The following MYT1L variants were observed in gnomAD, a reference collection of about 807,000 sequenced individuals.
MYT1L encodes the protein myelin transcription factor 1-like protein.
In MYT1L, 12 loss-of-function variants were observed where a neutral mutation model predicts 126.7. The ratio of observed to expected loss-of-function variants is 0.09; its 90% CI spans 0.06 to 0.15. The LOEUF (loss-of-function observed/expected upper bound fraction) is 0.15. Ranked by LOEUF, MYT1L falls within the 10% of genes least tolerant of loss-of-function variation. The pLI is 1.00. For missense variants in MYT1L, 979 were observed against 1,585.2 expected, an observed-to-expected ratio of 0.62 and a Z score of 6.49; for synonymous variants, 541 against 604.2, an observed-to-expected ratio of 0.90 and a Z score of 1.53.
intron 18 of MYT1L, among the ~76,000 whole-genome samples, chr2:1,866,662 G>GGAGAGGGAGGGACAGAGAGAGGCA (rs2045562574): frequency 2.0e-5 from 1 of 48,814 alleles, no homozygotes; most frequent in African/African-American, 2.0e-4. Flanking sequence ...AGAGAGAGAG[G>GGAGAGGGAGGGACAGAGAGAGGCA]GAGAGGGAGG....
chr2:2,189,416 G>A (rs1212443955), intron 2 of MYT1L, among the ~76,000 whole-genome samples: 2 of 152,208 alleles, frequency 1.3e-5, no homozygotes, highest in African/African-American at 4.8e-5. Flanking sequence ...TATGCAATAT[G>A]TTAAGTGCAG....
intron 2 of MYT1L, among the ~76,000 whole-genome samples, chr2:2,186,735 A>G (rs2092238385): frequency 6.6e-6 from 1 of 152,254 alleles, no homozygotes; most frequent in Non-Finnish European, 1.5e-5. Flanking sequence ...AAAATCTATA[A>G]TTAACAGATT....
intron 3 of MYT1L, among the ~76,000 whole-genome samples, chr2:2,063,674 T>C (rs971830775): frequency 6.6e-6 from 1 of 152,134 alleles, no homozygotes; most frequent in Non-Finnish European, 1.5e-5. Flanking sequence ...TGAAACCCTG[T>C]CTCTACTAAA....
intron 4 of MYT1L, among the ~76,000 whole-genome samples, chr2:1,999,731 G>A (rs1258752102): frequency 6.6e-6 from 1 of 152,056 alleles, no homozygotes; most frequent in Non-Finnish European, 1.5e-5. Context: ...GTCTTTTTTA[G>A]TAAATTATTT....
chr2:1,990,808 G>A (rs943035737), intron 5 of MYT1L, among the ~76,000 whole-genome samples: 2 of 152,132 alleles, frequency 1.3e-5, no homozygotes, highest in Non-Finnish European at 2.9e-5. Context: ...AGCCCTCAGC[G>A]TCCATTGCCA....
At chr2:1,973,876 C>G (rs1194863985) in intron 8 of MYT1L, among the ~76,000 whole-genome samples, 2 of 152,218 alleles carry the variant, frequency 1.3e-5, no homozygotes, top group Non-Finnish European at 2.9e-5. Flanking sequence ...GCTCAAACCA[C>G]GCACTTTGGG....
intron 1 of MYT1L, among the ~76,000 whole-genome samples, chr2:2,318,925 T>C (rs1032379489): frequency 6.6e-5 from 10 of 152,214 alleles, no homozygotes; most frequent in African/African-American, 2.4e-4. Context: ...CTAACTTGTC[T>C]TTTACAGGGA....
intron 9 of MYT1L, among the ~76,000 whole-genome samples, chr2:1,934,388 A>G (rs2055541349): frequency 6.6e-6 from 1 of 151,450 alleles, no homozygotes; most frequent in African/African-American, 2.4e-5. Flanking sequence ...AGAGCAGCAC[A>G]CATGTGGGAC....
chr2:2,009,918 T>C (rs376191061), intron 4 of MYT1L, among the ~76,000 whole-genome samples: 7 of 148,488 alleles, frequency 4.7e-5, no homozygotes, highest in African/African-American at 5.0e-5. Flanking sequence ...TTTTTTTTTT[T>C]CATGAAAGGG....
chr2:1,973,105 C>T (rs1426805310), intron 8 of MYT1L, among the ~76,000 whole-genome samples: 2 of 152,174 alleles, frequency 1.3e-5, no homozygotes, highest in Non-Finnish European at 2.9e-5. Context: ...ACAAAACAGA[C>T]ATGTGAGGAA....
chr2:1,865,515 G>A (rs368433405), intron 18 of MYT1L, among the ~76,000 whole-genome samples: 3 of 152,142 alleles, frequency 2.0e-5, no homozygotes, highest in Non-Finnish European at 4.4e-5. Context: ...ATGCCCATCC[G>A]CATCGTTAGG....
intron 8 of MYT1L, among the ~76,000 whole-genome samples, chr2:1,970,424 G>A (rs2059722763): frequency 6.6e-6 from 1 of 152,152 alleles, no homozygotes; most frequent in African/African-American, 2.4e-5. Flanking sequence ...CATACTTTCA[G>A]CCCCAGCCCC....
chr2:2,018,211 G>A (rs1463103800), intron 4 of MYT1L, among the ~76,000 whole-genome samples: 1 of 152,120 alleles, frequency 6.6e-6, no homozygotes, highest in Non-Finnish European at 1.5e-5. Flanking sequence ...ATATTCTAGG[G>A]CAGACAGAAT....
chr2:2,302,469 G>A (rs527715932), intron 1 of MYT1L, among the ~76,000 whole-genome samples: 1 of 152,300 alleles, frequency 6.6e-6, no homozygotes, highest in Non-Finnish European at 1.5e-5. Context: ...TGGTGAGGAG[G>A]AGGGGTTGCT....
At chr2:2,196,633 T>C (rs947135596) in intron 2 of MYT1L, among the ~76,000 whole-genome samples, 3 of 151,754 alleles carry the variant, frequency 2.0e-5, no homozygotes, top group Non-Finnish European at 2.9e-5. Context: ...GTAGTTGGAG[T>C]TAAAGCATTG....
At chr2:2,170,038 C>T (rs1022440111) in intron 3 of MYT1L, among the ~76,000 whole-genome samples, 3 of 152,218 alleles carry the variant, frequency 2.0e-5, no homozygotes, top group Non-Finnish European at 2.9e-5. Context: ...GGCAACCTTG[C>T]TCTCTTCATC....
intron 3 of MYT1L, among the ~76,000 whole-genome samples, chr2:2,160,522 G>A (rs2087691221): frequency 1.3e-5 from 2 of 152,202 alleles, no homozygotes; most frequent in Admixed American, 1.3e-4. Flanking sequence ...TGAGGTGAGA[G>A]GGTTGAGGGG....
Position 1,839,311 on chromosome 2 carries a change from C to T in MYT1L, c.2918G>A (p.Arg973His), listed in dbSNP as rs1245490856. Residue 973 changes from arginine (R) to histidine (H), a missense_variant, in exon 21 of 25, where the codon CGC (arginine) becomes CAC (histidine). Transcript: ENST00000647738. ...CGCCAAGGGGCACCCGGAGGCGCTGCGATGGGACGCGTACTTCCCAGTGAT... is the reference window on the plus strand; with the variant it reads ...CGCCAAGGGGCACCCGGAGGCGCTGTGATGGGACGCGTACTTCCCAGTGAT... ...GHITGKYASH[R>H]SASGCPLAAK... The T allele has an allele frequency of 1.9e-6, 3 of 1,613,480 alleles. No individual in the cohort carries two copies. Among genetic ancestry groups the T allele is most frequent in the Non-Finnish European group, 1.7e-6 (2 of 1,179,906 alleles).
In MYT1L at chr2:1,979,138, T is replaced by C. The variant is rs375770976; in HGVS notation, c.152+27A>G. 6 of 1,590,184 alleles carry C rather than the reference T, an allele frequency of 3.8e-6. No individual in the cohort carries two copies. The highest frequency in any genetic ancestry group is 3.0e-5 in the African/African-American group (2 of 67,116). On this transcript the variant is annotated intron_variant, in intron 8 of 24. Coordinates refer to ENST00000647738, the MANE Select transcript of MYT1L (RefSeq NM_001303052.2). This position sits in a 1 kb window ranked among gnomAD's most constrained non-coding sequence, Gnocchi z 4.0. Reference sequence around the variant, plus strand: ...CAAATAAGTCACTTTAGACAGCACATTGTGGAAAAAAAAATGCAGGCATTA... The same window carrying C: ...CAAATAAGTCACTTTAGACAGCACACTGTGGAAAAAAAAATGCAGGCATTA...
Sources: gnomAD v4.1 joint callset for allele counts (sites outside exome capture counted in the v4.1 genomes callset) on GRCh38, gnomAD v4.1.1 for gene constraint, Gnocchi (gnomAD v3.1) non-coding constraint, MANE v1.5 for transcripts, NCBI Gene and HGNC (gene_info 2026-07-23, HGNC 2026-07-21) for gene names.